EPHA6: variants seen among roughly 807,000 people sequenced by gnomAD.
EPHA6 encodes EPH receptor A6, also known as ephrin type-A receptor 6.
A neutral mutation model predicts 112.0 loss-of-function variants in EPHA6; 50 were observed. The observed-to-expected ratio is 0.45, with a 90% CI of 0.36 to 0.56. EPHA6 has a LOEUF of 0.56. Among genes scored for constraint, EPHA6 ranks in the 20% least tolerant of loss-of-function variants. The probability of loss-of-function intolerance (pLI) is 0.00; values close to 1 mark genes in which losing one functional copy is unlikely to be tolerated. For missense variants in EPHA6, 1,280 were observed against 1,417.4 expected (o/e 0.90, Z 1.56); for synonymous variants, 529 against 490.7 (o/e 1.08, Z -1.03).
intron 2 of EPHA6, among the ~76,000 whole-genome samples, chr3:96,880,199 C>G (rs1208140939): frequency 6.6e-6 from 1 of 152,092 alleles, no homozygotes; most frequent in Admixed American, 6.5e-5. Flanking sequence ...TGCTAAATAC[C>G]TTGATTTGAT....
intron 1 of EPHA6, among the ~76,000 whole-genome samples, chr3:96,817,655 T>A (rs2032905214): frequency 1.3e-5 from 2 of 151,970 alleles, no homozygotes; most frequent in South Asian, 4.1e-4. Context: ...TCTTCCTGAT[T>A]AAAGATATTC....
At chr3:96,932,991 T>G (rs1437045015) in intron 2 of EPHA6, among the ~76,000 whole-genome samples, 3 of 152,232 alleles carry the variant, frequency 2.0e-5, no homozygotes, top group Middle Eastern at 3.4e-3. Flanking sequence ...TGGTACAGGG[T>G]GCAGAGTCTA....
intron 12 of EPHA6, among the ~76,000 whole-genome samples, chr3:97,594,205 T>C (rs1049632467): frequency 1.3e-5 from 2 of 152,246 alleles, no homozygotes; most frequent in African/African-American, 4.8e-5. Context: ...AGTTTAAGAC[T>C]GACTTGAATT....
intron 11 of EPHA6, among the ~76,000 whole-genome samples, chr3:97,562,587 T>C (rs1165655573): frequency 6.6e-6 from 1 of 152,172 alleles, no homozygotes; most frequent in African/African-American, 2.4e-5. Flanking sequence ...TGAAATCTAC[T>C]CCTAGTGAAG....
intron 15 of EPHA6, among the ~76,000 whole-genome samples, chr3:97,727,940 CT>C (rs1449243302): frequency 2.0e-5 from 3 of 151,960 alleles, no homozygotes; most frequent in Admixed American, 2.0e-4. Context: ...CACAGTATAA[CT>C]TTTAAGGGAA....
chr3:97,645,633 T>TAC lies in EPHA6; in HGVS notation c.2784+7551_2784+7552insAC, dbSNP rs1273561145. ...ATACATATGTAACTAACCTGCACGT[T>TAC]GTGCACATGTACCCTAAAACTTAAA... On this transcript the variant is annotated intron_variant, in intron 14 of 17. Coordinates refer to ENST00000389672, the MANE Select transcript of EPHA6 (RefSeq NM_001080448.3). 1.9e-4 allele frequency among the ~76,000 whole-genome samples: 29 copies of TAC among 149,342 alleles called. 1 individual carries two copies. The South Asian group carries it at 5.7e-3, about 29-fold the overall frequency.
At chr3:96,904,529 G>T (rs1419050061) in intron 2 of EPHA6, among the ~76,000 whole-genome samples, 5 of 150,928 alleles carry the variant, frequency 3.3e-5, no homozygotes, top group Admixed American at 6.6e-5. Context: ...ACTGGGTGCA[G>T]CACACCAACA....
chr3:97,089,286 A>G (rs1244255464), intron 3 of EPHA6, among the ~76,000 whole-genome samples: 8 of 152,174 alleles, frequency 5.3e-5, no homozygotes, highest in African/African-American at 1.2e-4. Context: ...GTTAACTAAT[A>G]TCAAACTTGT....
At chr3:96,922,021 C>T (rs1272746253) in intron 2 of EPHA6, among the ~76,000 whole-genome samples, 3 of 151,524 alleles carry the variant, frequency 2.0e-5, no homozygotes, top group Non-Finnish European at 4.4e-5. Flanking sequence ...ATAAATGAGT[C>T]TACCTTAATG....
At chr3:97,045,134 C>A (rs975960298) in intron 3 of EPHA6, among the ~76,000 whole-genome samples, 1 of 151,582 alleles carries the variant, frequency 6.6e-6, no homozygotes, top group Non-Finnish European at 1.5e-5. Context: ...TAAACTGTGC[C>A]GTTTTTAAGA....
rs141199188 is a variant in EPHA6 at position 97,634,561 on chromosome 3, C to T, written c.2575-3312C>T. Reference sequence around the variant, plus strand: ...GCTCACAGGACCAGCTTCCTTATTCCTATAGCTTCCAGAGTTTTGGAAGCT... The same window carrying T: ...GCTCACAGGACCAGCTTCCTTATTCTTATAGCTTCCAGAGTTTTGGAAGCT... On this transcript the variant is annotated intron_variant, in intron 13 of 17. Transcript: ENST00000389672. 3.3e-3 allele frequency among the ~76,000 whole-genome samples: 497 copies of T among 152,170 alleles called. 2 individuals are homozygous for T. The highest frequency in any genetic ancestry group is 0.011 in the African/African-American group (467 of 41,518).
chr3:97,613,384 G>A (rs753587028), intron 13 of EPHA6, among the ~76,000 whole-genome samples: 7 of 152,124 alleles, frequency 4.6e-5, no homozygotes, highest in Non-Finnish European at 1.0e-4. Context: ...GCTCATAATA[G>A]CCTTCTGTGC....
intron 5 of EPHA6, among the ~76,000 whole-genome samples, chr3:97,249,312 T>C (rs569388283): frequency 1.3e-5 from 2 of 152,282 alleles, no homozygotes; most frequent in South Asian, 2.1e-4. Context: ...GTTTTATTTA[T>C]GGAAGAAATG....
rs1477982657 is a variant in EPHA6 at position 97,690,535 on chromosome 3, G to T, written c.2785-29726G>T. On this transcript the variant is annotated intron_variant, in intron 14 of 17. Coordinates refer to ENST00000389672, the MANE Select transcript of EPHA6 (RefSeq NM_001080448.3). ...CAGGCTGGAGCGTAGTGGCACAATC[G>T]AGGCTCACTGCAACCTCCACCTCCT... Among the ~76,000 whole-genome samples, 5 of 150,442 alleles carry T rather than the reference G, an allele frequency of 3.3e-5. No individual in the cohort carries two copies. The Admixed American group carries it at 3.3e-4, about 10-fold the overall frequency.
At chr3:97,322,706 C>T (rs1205382565) in intron 5 of EPHA6, among the ~76,000 whole-genome samples, 2 of 151,790 alleles carry the variant, frequency 1.3e-5, no homozygotes, top group East Asian at 1.9e-4. Flanking sequence ...TAAATATTTG[C>T]AGTAATTTAA....
In EPHA6 at chr3:97,311,442, TCACACACA is replaced by T. The variant is rs35415439; in HGVS notation, c.1606+67181_1606+67188del. On this transcript the variant is annotated intron_variant, in intron 5 of 17. Transcript: ENST00000389672. ...CCAAATCATCATTTGGATTACACTT[TCACACACA>T]CACACACACACACACACACACACAC... 4.6e-3 allele frequency among the ~76,000 whole-genome samples: 663 copies of T among 144,152 alleles called. 3 individuals are homozygous for T. Among genetic ancestry groups the T allele is most frequent in the African/African-American group, 0.014 (579 of 39,970 alleles). The allele number at this position is 144,152 out of a possible 152,430, so 94.6% of individuals were successfully genotyped here.
At chr3:97,712,266 AGTC>A (rs1179075105) in intron 14 of EPHA6, among the ~76,000 whole-genome samples, 3 of 152,200 alleles carry the variant, frequency 2.0e-5, no homozygotes, top group Admixed American at 6.5e-5. Flanking sequence ...TGGGGTAGGT[AGTC>A]TTCTGTACAG....
At chr3:97,042,101 T>G (rs2045337396) in intron 3 of EPHA6, among the ~76,000 whole-genome samples, 1 of 152,108 alleles carries the variant, frequency 6.6e-6, no homozygotes, top group Non-Finnish European at 1.5e-5. Context: ...TGTTTGCATA[T>G]TTGTCTCCGC....
chr3:97,521,045 C>T (rs529242106), intron 10 of EPHA6, among the ~76,000 whole-genome samples: 1 of 151,708 alleles, frequency 6.6e-6, no homozygotes, highest in African/African-American at 2.4e-5. Context: ...AGGATTTCTG[C>T]TTGGTTCTTT....
Sources: allele counts gnomAD v4.1 joint callset (sites outside exome capture counted in the v4.1 genomes callset), GRCh38; gene constraint gnomAD v4.1.1; transcripts MANE v1.5; gene names NCBI Gene and HGNC (gene_info 2026-07-23, HGNC 2026-07-21).